SAMSN1: variants seen among roughly 807,000 people sequenced by gnomAD.
SAMSN1 encodes SAM domain, SH3 domain and nuclear localization signals 1, also known as SAM domain-containing protein SAMSN-1.
Under a neutral mutation model 42.0 loss-of-function variants are expected in SAMSN1, and 31 were observed. That is an observed-to-expected ratio of 0.74 (90% CI 0.55 to 1.00). SAMSN1 has a LOEUF of 1.00. SAMSN1 is among the 50% of genes least tolerant of loss of function. SAMSN1 has a pLI of 0.00. For missense variants in SAMSN1, 464 were observed against 439.4 expected (o/e 1.06, Z -0.50); for synonymous variants, 178 against 151.9 (o/e 1.17, Z -1.26).
intron 1 of SAMSN1, among the ~76,000 whole-genome samples, chr21:14,545,108 A>G (rs552423366): frequency 2.1e-4 from 32 of 152,154 alleles, no homozygotes; most frequent in Non-Finnish European, 4.1e-4. Context: ...ATCCATTATT[A>G]TGCATATGTG....
At chr21:14,589,924 G>C (rs898483823) in intron 7 of SAMSN1, among the ~76,000 whole-genome samples, 4 of 152,064 alleles carry the variant, frequency 2.6e-5, no homozygotes, top group African/African-American at 9.7e-5. Context: ...TCTTCAACAG[G>C]AGAAATGGAG....
At chr21:14,652,301 C>G (rs1983849480) in intron 1 of SAMSN1, among the ~76,000 whole-genome samples, 1 of 152,012 alleles carries the variant, frequency 6.6e-6, no homozygotes. Flanking sequence ...GACTACAGAG[C>G]TATAGTAACC....
chr21:14,542,244 A>C (rs753389803), intron 1 of SAMSN1, among the ~76,000 whole-genome samples: 3 of 152,200 alleles, frequency 2.0e-5, no homozygotes, highest in Non-Finnish European at 4.4e-5. Context: ...CCTGTTGCTT[A>C]TAAAGGCAGT....
intron 2 of SAMSN1, among the ~76,000 whole-genome samples, chr21:14,637,738 T>C (rs1331057767): frequency 1.3e-5 from 2 of 152,208 alleles, no homozygotes; most frequent in African/African-American, 2.4e-5. Context: ...TCTTAATCTA[T>C]TAACAGTTTA....
chr21:14,555,078 T>C (rs2123185752), intron 2 of SAMSN1, among the ~76,000 whole-genome samples: 1 of 152,308 alleles, frequency 6.6e-6, no homozygotes, highest in Middle Eastern at 3.4e-3. Flanking sequence ...CTGCAGATAC[T>C]AACCTTTCCA....
At chr21:14,546,800 C>G (rs1980418605), upstream of SAMSN1, among the ~76,000 whole-genome samples, 1 of 152,048 alleles carries the variant, frequency 6.6e-6, no homozygotes, top group South Asian at 2.1e-4. Flanking sequence ...ACCTCCACCT[C>G]CCGGGTTCAA....
intron 1 of SAMSN1, among the ~76,000 whole-genome samples, chr21:14,643,683 A>G (rs1243226660): frequency 6.6e-6 from 1 of 152,242 alleles, no homozygotes; most frequent in African/African-American, 2.4e-5. Context: ...CTATCTACAC[A>G]GAAAAACAAC....
intron 5 of SAMSN1, among the ~76,000 whole-genome samples, chr21:14,502,655 T>C (rs1217973638): frequency 6.6e-6 from 1 of 152,144 alleles, no homozygotes; most frequent in Non-Finnish European, 1.5e-5. Context: ...TCAAACTGTG[T>C]TGTGTTTATT....
chr21:14,489,761 A>G (rs542263798), intron 7 of SAMSN1, among the ~76,000 whole-genome samples: 1 of 152,274 alleles, frequency 6.6e-6, no homozygotes, highest in East Asian at 1.9e-4. Flanking sequence ...ATTTCCTACC[A>G]AAATTGTTAC....
Position 14,529,656 on chromosome 21 carries a change from A to G in SAMSN1, c.58-8435T>C, listed in dbSNP as rs180738182. Among the ~76,000 whole-genome samples the G allele has an allele frequency of 7.3e-3, 1,108 of 152,334 alleles. 42 individuals carry two copies. The highest frequency in any genetic ancestry group is 0.067 in the Admixed American group (1,018 of 15,302). ...AGTACCATGGACCAAATCATTCCAA[A>G]CCATAAGAGCTAAATAGAATCCTGT... On this transcript the variant is annotated intron_variant, in intron 1 of 7. Coordinates refer to ENST00000400566, the MANE Select transcript of SAMSN1 (RefSeq NM_022136.5).
chr21:14,487,382 T>G (rs537076809), intron 7 of SAMSN1, among the ~76,000 whole-genome samples: 1 of 151,952 alleles, frequency 6.6e-6, no homozygotes, highest in African/African-American at 2.4e-5. Flanking sequence ...AAAATGCATT[T>G]TCTAGTTTCC....
intron 7 of SAMSN1, among the ~76,000 whole-genome samples, chr21:14,491,847 T>TA (rs1198815276): frequency 3.3e-5 from 5 of 152,326 alleles, no homozygotes; most frequent in East Asian, 3.9e-4. Context: ...ATAGATATGA[T>TA]AAAAAACTAA....
Position 14,627,705 on chromosome 21 carries a change from G to A in SAMSN1, c.157-11689C>T, listed in dbSNP as rs555178382. Among the ~76,000 whole-genome samples the A allele has an allele frequency of 9.2e-5, 14 of 152,204 alleles. No homozygotes were observed. The East Asian group carries it at 2.7e-3, about 29-fold the overall frequency. On this transcript the variant is annotated intron_variant, in intron 2 of 15. Transcript: ENST00000647101. The stretch of plus-strand genomic sequence containing the variant: ...TGCACAGCATGAATGCTCAATAAAT[G>A]TACTAAATTGAACTAAAATTTTTAA...
chr21:14,489,544 A>C (rs1432979459), intron 7 of SAMSN1, among the ~76,000 whole-genome samples: 3 of 152,168 alleles, frequency 2.0e-5, no homozygotes, highest in Admixed American at 1.3e-4. Context: ...CTTAAAGGAC[A>C]TACGTATCTA....
Position 14,604,449 on chromosome 21 carries a change from G to C in SAMSN1, c.323-2350C>G, listed in dbSNP as rs534354845. 3.7e-4 allele frequency among the ~76,000 whole-genome samples: 57 copies of C among 152,308 alleles called. 1 individual carries two copies. Among genetic ancestry groups the C allele is most frequent in the African/African-American group, 1.3e-3 (56 of 41,568 alleles). On this transcript the variant is annotated intron_variant, in intron 5 of 15. Transcript: ENST00000647101. ...AGCCTTGTATAAGCCGGGGGCAGTG[G>C]AGGACCTATATCCCAGCTGCTTGGG...
intron 2 of SAMSN1, among the ~76,000 whole-genome samples, chr21:14,569,557 C>T (rs765560228): frequency 5.3e-5 from 8 of 152,020 alleles, no homozygotes; most frequent in Non-Finnish European, 1.2e-4. Context: ...GCCCACACAG[C>T]CAGCAAAACT....
intron 2 of SAMSN1, among the ~76,000 whole-genome samples, chr21:14,621,862 G>A (rs761914890): frequency 6.6e-6 from 1 of 152,184 alleles, no homozygotes; most frequent in African/African-American, 2.4e-5. Flanking sequence ...AGCCTAACTA[G>A]GAGGCACACC....
intron 7 of SAMSN1, among the ~76,000 whole-genome samples, chr21:14,494,806 G>T (rs1273074704): frequency 2.0e-5 from 3 of 151,798 alleles, no homozygotes; most frequent in Non-Finnish European, 4.4e-5. Context: ...AAAAATTCTT[G>T]CTTTAAATCT....
At chr21:14,487,960 T>G (rs1395913464) in intron 7 of SAMSN1, among the ~76,000 whole-genome samples, 3 of 152,132 alleles carry the variant, frequency 2.0e-5, no homozygotes, top group African/African-American at 7.2e-5. Flanking sequence ...TATTCACTAG[T>G]CTTTCTGAGT....
Sources: allele counts gnomAD v4.1 joint callset (sites outside exome capture counted in the v4.1 genomes callset), GRCh38; gene constraint gnomAD v4.1.1; transcripts MANE v1.5; gene names NCBI Gene and HGNC (gene_info 2026-07-23, HGNC 2026-07-21).